SLC43A2: variants seen among roughly 807,000 people sequenced by gnomAD.
The protein encoded by SLC43A2 is solute carrier family 43 member 2.
In SLC43A2, 38 loss-of-function variants were observed where a neutral mutation model predicts 63.2. The observed-to-expected ratio is 0.60, with a 90% CI of 0.46 to 0.79. The LOEUF is 0.79. Ranked by LOEUF, SLC43A2 falls within the 30% of genes least tolerant of loss-of-function variation. SLC43A2 has a pLI of 0.00. For missense variants in SLC43A2, 644 were observed against 756.2 expected, an observed-to-expected ratio of 0.85 and a Z score of 1.74; for synonymous variants, 322 against 331.0, an observed-to-expected ratio of 0.97 and a Z score of 0.30.
intron 3 of SLC43A2, among the ~76,000 whole-genome samples, chr17:1,616,169 C>A (rs1301937805): frequency 6.6e-6 from 1 of 151,702 alleles, no homozygotes; most frequent in African/African-American, 2.4e-5. Context: ...GCTGTGGAAA[C>A]CAGTGTTGTT....
intron 11 of SLC43A2, among the ~76,000 whole-genome samples, chr17:1,582,742 C>A (rs1381039533): frequency 6.6e-6 from 1 of 152,146 alleles, no homozygotes; most frequent in Non-Finnish European, 1.5e-5. Context: ...CCGCAAATAA[C>A]AAAGGGCTGG....
intron 5 of SLC43A2, among the ~76,000 whole-genome samples, chr17:1,600,154 T>TATATTTTTTA: frequency 3.4e-5 from 1 of 28,996 alleles, no homozygotes. Context: ...ATATATATAT[T>TATATTTTTTA]TTTTTTTTTT....
At chr17:1,581,741 C>T (rs1399543199) in intron 11 of SLC43A2, among the ~76,000 whole-genome samples, 1 of 152,168 alleles carries the variant, frequency 6.6e-6, no homozygotes, top group African/African-American at 2.4e-5. Flanking sequence ...ACAAGGGCCA[C>T]CTTACTCAAA....
At chr17:1,576,565 C>A (rs933538895) in intron 13 of SLC43A2, 32 bp downstream of exon 13, 2 of 1,582,592 alleles carry the variant, frequency 1.3e-6, no homozygotes, top group Non-Finnish European at 1.7e-6. Flanking sequence ...GGGGCAGGCG[C>A]CCATGACCCA....
chr17:1,590,706 G>C, intron 9 of SLC43A2, 96 bp downstream of exon 9: 4 of 1,477,912 alleles, frequency 2.7e-6, no homozygotes, highest in Non-Finnish European at 3.6e-6. Context: ...CCATGGCCCG[G>C]CTGGCCCGGC....
chr17:1,586,868 A>T, intron 9 of SLC43A2: 1 of 1,466,176 alleles, frequency 6.8e-7, no homozygotes, highest in Non-Finnish European at 9.1e-7. Flanking sequence ...GCTTGAGGTG[A>T]GGAGCTTCTG....
rs1242589271 is a variant in SLC43A2, at chr17:1,627,770, C to A, written c.105G>T (p.Ser35=). ...CCTCTGACTTGAGCATGATGAGCAG[C>A]GAGCCCCAGCCCAGGAGGACTGCCG... ...LFSAVLLGWG[S]LLIMLKSEGF... is the part of the protein sequence containing the mutation. The change falls in exon 2 of 14, where the codon TCG becomes TCT. Residue 35 remains serine, a synonymous_variant. Transcript: ENST00000301335. 6.3e-7 allele frequency: 1 copy of A among 1,597,510 alleles called. No individual in the cohort carries two copies. The highest frequency in any genetic ancestry group is 8.5e-7 in the Non-Finnish European group (1 of 1,172,380).
At chr17:1,616,229 T>A (rs1907649844) in intron 3 of SLC43A2, 1 of 305,026 alleles carries the variant, frequency 3.3e-6, no homozygotes, top group South Asian at 7.3e-5. Context: ...TAACAAGGTT[T>A]GAGGGAAGCA....
intron 9 of SLC43A2, 113 bp from the exon 10 acceptor site, chr17:1,586,164 A>T: frequency 7.0e-7 from 1 of 1,434,494 alleles, no homozygotes; most frequent in Non-Finnish European, 9.2e-7. Context: ...GGTCTGCCCC[A>T]GAACCCCCTG....
intron 10 of SLC43A2, chr17:1,585,589 T>C (rs2076089142): frequency 1.9e-6 from 2 of 1,046,490 alleles, no homozygotes. Flanking sequence ...GGGCTGGCCA[T>C]GTTTCCCAGG....
chr17:1,586,463 G>T (rs530221100), intron 9 of SLC43A2, among the ~76,000 whole-genome samples: 1 of 152,216 alleles, frequency 6.6e-6, no homozygotes, highest in Admixed American at 6.5e-5. Context: ...TTGGGAGCCC[G>T]AGGTGGGCGG....
intron 4 of SLC43A2, among the ~76,000 whole-genome samples, chr17:1,613,972 G>A (rs559341023): frequency 9.2e-5 from 14 of 152,212 alleles, no homozygotes; most frequent in African/African-American, 3.1e-4. Flanking sequence ...AGCCAGGCGC[G>A]GTGGCTCACG....
intron 5 of SLC43A2, among the ~76,000 whole-genome samples, chr17:1,600,152 A>ATATATTTTT (rs1216616243): frequency 8.6e-4 from 52 of 60,278 alleles, no homozygotes; most frequent in African/African-American, 2.6e-3. Context: ...ATATATATAT[A>ATATATTTTT]TTTTTTTTTT....
chr17:1,619,524 C>CG (rs1451279771), intron 2 of SLC43A2, among the ~76,000 whole-genome samples: 2 of 152,196 alleles, frequency 1.3e-5, no homozygotes, highest in African/African-American at 4.8e-5. Flanking sequence ...CTCTACCACA[C>CG]GGTCAGCCAA....
chr17:1,592,406 G>A (rs533976416), intron 6 of SLC43A2, among the ~76,000 whole-genome samples: 7 of 152,310 alleles, frequency 4.6e-5, no homozygotes, highest in East Asian at 1.9e-4. Flanking sequence ...CAACCTGGGC[G>A]ACAGAGCAAG....
intron 5 of SLC43A2, among the ~76,000 whole-genome samples, chr17:1,600,150 A>ATTTTTTT (rs1444075068): frequency 2.6e-5 from 2 of 77,538 alleles, no homozygotes; most frequent in African/African-American, 5.0e-5. Context: ...ATATATATAT[A>ATTTTTTT]TATTTTTTTT....
chr17:1,615,879 T>TAAATAA lies in SLC43A2; in HGVS notation c.368+682_368+683insTTATTT, dbSNP rs1567644881. 6.4e-4 allele frequency among the ~76,000 whole-genome samples: 44 copies of TAAATAA among 69,012 alleles called. No individual in the cohort carries two copies. In the East Asian group the frequency reaches 9.5e-3, roughly 15 times the overall value. 45.3% of individuals were successfully genotyped at this position (69,012 alleles called of 152,430 possible). A position where few individuals can be genotyped will look rare whatever the true frequency, so the allele number is the denominator to read the frequency against. ...AAATAAATAAATAAATAAATAAATATGAAAAATATAAAAATTAGCTGGGTG... is the reference window on the plus strand; with the variant it reads ...AAATAAATAAATAAATAAATAAATATAAATAAGAAAAATATAAAAATTAGCTGGGTG... On this transcript the variant is annotated intron_variant, in intron 3 of 13. Coordinates refer to ENST00000301335, the MANE Select transcript of SLC43A2 (RefSeq NM_152346.3).
Position 1,616,594 on chromosome 17 carries a change from C to G in SLC43A2, c.336G>C (p.Lys112Asn), listed in dbSNP as rs768277272. 1.4e-5 allele frequency: 23 copies of G among 1,613,846 alleles called. No homozygotes were observed. The highest frequency in any genetic ancestry group is 1.9e-5 in the Non-Finnish European group (23 of 1,179,870). ...GCAGCCTGAGCTTCCTCGGGCCATACTTGTCCATGACGATACCCAGGGGCA... is the reference window on the plus strand; with the variant it reads ...GCAGCCTGAGCTTCCTCGGGCCATAGTTGTCCATGACGATACCCAGGGGCA... ...ITLPLGIVMD[K>N]YGPRKLRLLG... The change falls in exon 3 of 14, where the codon AAG becomes AAC. Residue 112 changes from lysine to asparagine, a missense_variant. Lys to Asn is a moderately conservative substitution (Grantham distance 94). This residue lies in a region of SLC43A2 where 528 missense variants were observed against 623.6 expected (regional missense o/e 0.85). Coordinates refer to ENST00000301335, the MANE Select transcript of SLC43A2 (RefSeq NM_152346.3).
intron 5 of SLC43A2, chr17:1,603,003 C>T (rs549549226): frequency 6.6e-6 from 1 of 152,114 alleles, no homozygotes; most frequent in East Asian, 1.9e-4. Context: ...AGGTGATCCA[C>T]CCGCCTCAGC....
Sources: allele counts gnomAD v4.1 joint callset (sites outside exome capture counted in the v4.1 genomes callset), GRCh38; gene constraint gnomAD v4.1.1; regional missense constraint gnomAD v4.1.1; transcripts MANE v1.5; gene names NCBI Gene and HGNC (gene_info 2026-07-23, HGNC 2026-07-21).